The following GALNT2 variants were observed in gnomAD, a reference collection of about 807,000 sequenced individuals.
GALNT2 encodes UDP-GalNAc:polypeptide N-acetylgalactosaminyltransferase 2.
Under a neutral mutation model 81.4 loss-of-function variants are expected in GALNT2, and 31 were observed. The ratio of observed to expected loss-of-function variants is 0.38; its 90% CI spans 0.29 to 0.51. The LOEUF is 0.51. Ranked by LOEUF, GALNT2 falls within the 20% of genes least tolerant of loss-of-function variation. GALNT2 has a pLI of 0.87. For missense variants in GALNT2, 629 were observed against 765.7 expected (o/e 0.82, Z 2.11); for synonymous variants, 303 against 287.4 (o/e 1.05, Z -0.55).
intron 2 of GALNT2, among the ~76,000 whole-genome samples, chr1:230,188,876 T>G (rs1174311424): frequency 6.6e-6 from 1 of 152,214 alleles, no homozygotes; most frequent in Non-Finnish European, 1.5e-5. Context: ...TTTTTCCCCT[T>G]GGTGTGGAAA....
At chr1:230,201,622 C>T (rs1227722524) in intron 2 of GALNT2, among the ~76,000 whole-genome samples, 1 of 152,164 alleles carries the variant, frequency 6.6e-6, no homozygotes, top group Non-Finnish European at 1.5e-5. Context: ...TGACACGCTG[C>T]AAAAGAGCTG....
chr1:230,260,813 C>T (rs1006009149), intron 11 of GALNT2, among the ~76,000 whole-genome samples: 2 of 152,182 alleles, frequency 1.3e-5, no homozygotes, highest in Non-Finnish European at 2.9e-5. Context: ...ATTCATCAGT[C>T]TCATCACCAA....
rs374135994 is a variant in GALNT2, at chr1:230,098,383, A to G, written c.126+30977A>G. On this transcript the variant is annotated intron_variant, in intron 1 of 15. Transcript: ENST00000366672. ...GAATTGTGTAGTGCAGAGATTTGCT[A>G]TATCCATTTCCAGAATGTACATATT... Among the ~76,000 whole-genome samples, 258 of 152,174 alleles carry G rather than the reference A, an allele frequency of 1.7e-3. 2 individuals carry two copies. Among genetic ancestry groups the G allele is most frequent in the African/African-American group, 5.9e-3 (243 of 41,502 alleles).
intron 1 of GALNT2, among the ~76,000 whole-genome samples, chr1:230,076,711 T>C (rs1659570221): frequency 6.6e-6 from 1 of 152,172 alleles, no homozygotes; most frequent in African/African-American, 2.4e-5. Context: ...CCATTCTCAT[T>C]TATGAAGGGT....
intron 1 of GALNT2, among the ~76,000 whole-genome samples, chr1:230,150,344 C>T (rs79482556): frequency 6.6e-6 from 1 of 152,358 alleles, no homozygotes; most frequent in Non-Finnish European, 1.5e-5. Flanking sequence ...TGACTTCATA[C>T]ATCACCCAAG....
At chr1:230,228,883 C>T (rs962774341) in intron 3 of GALNT2, among the ~76,000 whole-genome samples, 1 of 152,176 alleles carries the variant, frequency 6.6e-6, no homozygotes, top group Non-Finnish European at 1.5e-5. Flanking sequence ...ACTAATATTT[C>T]TATAATACTG....
intron 1 of GALNT2, among the ~76,000 whole-genome samples, chr1:230,155,824 A>G (rs1042046401): frequency 1.2e-4 from 19 of 152,226 alleles, no homozygotes; most frequent in African/African-American, 4.3e-4. Context: ...TCGCTAAGAC[A>G]TTCGGCGTCA....
chr1:230,248,429 C>T (rs1226189035), intron 8 of GALNT2, among the ~76,000 whole-genome samples: 2 of 152,154 alleles, frequency 1.3e-5, no homozygotes, highest in South Asian at 2.1e-4. Flanking sequence ...GGACAGCTTC[C>T]GCAGGTGGAG....
intron 1 of GALNT2, among the ~76,000 whole-genome samples, chr1:230,072,142 A>G (rs1488754349): frequency 6.6e-6 from 1 of 151,762 alleles, no homozygotes; most frequent in Admixed American, 6.6e-5. Flanking sequence ...GAACAGAGGA[A>G]GAGGTGGTCA....
intron 3 of GALNT2, among the ~76,000 whole-genome samples, chr1:230,229,152 TAAAC>T (rs1664800593): frequency 6.6e-6 from 1 of 152,176 alleles, no homozygotes; most frequent in African/African-American, 2.4e-5. Context: ...AAAAGCATCA[TAAAC>T]AAAATTAAAG....
intron 1 of GALNT2, among the ~76,000 whole-genome samples, chr1:230,121,827 C>T (rs75486962): frequency 0.067 from 10,127 of 151,894 alleles, 408 homozygotes; most frequent in African/African-American, 0.1. Context: ...GTAACTTGCT[C>T]GAGGTCACAC....
chr1:230,188,402 C>T (rs1021544742), intron 2 of GALNT2, among the ~76,000 whole-genome samples: 10 of 152,326 alleles, frequency 6.6e-5, no homozygotes, highest in South Asian at 2.1e-4. Flanking sequence ...AGCACGGGAT[C>T]TGGGTTCGGA....
intron 1 of GALNT2, among the ~76,000 whole-genome samples, chr1:230,164,275 C>T (rs1480057424): frequency 1.3e-5 from 2 of 152,140 alleles, no homozygotes; most frequent in Non-Finnish European, 2.9e-5. Context: ...CAGTAGAGGC[C>T]GGTGCTTTGC....
intron 1 of GALNT2, among the ~76,000 whole-genome samples, chr1:230,176,785 A>C (rs748355590): frequency 1.3e-5 from 2 of 152,210 alleles, no homozygotes; most frequent in Non-Finnish European, 2.9e-5. Flanking sequence ...TGCAGTAAAA[A>C]TTATTTAAAT....
intron 1 of GALNT2, among the ~76,000 whole-genome samples, 188 bp downstream of exon 1, chr1:230,067,594 C>T (rs1470630055): frequency 6.6e-6 from 1 of 151,992 alleles, no homozygotes; most frequent in Non-Finnish European, 1.5e-5. Context: ...CTGCGCACGC[C>T]GGGCTCCGAA....
chr1:230,157,350 A>G (rs1270789348), intron 1 of GALNT2, among the ~76,000 whole-genome samples: 1 of 152,210 alleles, frequency 6.6e-6, no homozygotes, highest in African/African-American at 2.4e-5. Context: ...AGTACTGGCA[A>G]GGACATAGAG....
At chr1:230,201,196 TAAG>T (rs1416921865) in intron 2 of GALNT2, among the ~76,000 whole-genome samples, 1 of 152,142 alleles carries the variant, frequency 6.6e-6, no homozygotes, top group African/African-American at 2.4e-5. Context: ...ATTTGCGGCA[TAAG>T]AAGATGCTGA....
At chr1:230,178,602 A>G (rs1663060500) in intron 2 of GALNT2, among the ~76,000 whole-genome samples, 1 of 152,170 alleles carries the variant, frequency 6.6e-6, no homozygotes, top group Non-Finnish European at 1.5e-5. Context: ...AATAGACTTT[A>G]TTTTTTAGGG....
upstream of GALNT2, among the ~76,000 whole-genome samples, chr1:230,066,016 T>C (rs942579509): frequency 6.6e-6 from 1 of 152,358 alleles, no homozygotes; most frequent in South Asian, 2.1e-4. Context: ...CTTAAGTCCT[T>C]GGCAATAGTG....
Sources: allele counts gnomAD v4.1 joint callset (sites outside exome capture counted in the v4.1 genomes callset), GRCh38; gene constraint gnomAD v4.1.1; transcripts MANE v1.5; gene names NCBI Gene and HGNC (gene_info 2026-07-23, HGNC 2026-07-21).